ADAMTS19: variants seen among roughly 807,000 people sequenced by gnomAD.
The protein encoded by ADAMTS19 is ADAM metallopeptidase with thrombospondin type 1 motif 19.
Under a neutral mutation model 153.3 loss-of-function variants are expected in ADAMTS19, and 93 were observed. The ratio of observed to expected loss-of-function variants is 0.61; its 90% CI spans 0.51 to 0.72. ADAMTS19 has a LOEUF of 0.72. Ranked by LOEUF, ADAMTS19 falls within the 30% of genes least tolerant of loss-of-function variation. ADAMTS19 has a pLI of 0.00. For synonymous variants in ADAMTS19, 600 were observed against 556.6 expected (o/e 1.08, Z -1.10); for missense variants, 1,482 against 1,552.1 (o/e 0.95, Z 0.76).
chr5:129,632,568 T>G (rs1185766084), intron 10 of ADAMTS19, among the ~76,000 whole-genome samples: 1 of 152,060 alleles, frequency 6.6e-6, no homozygotes, highest in Non-Finnish European at 1.5e-5. Flanking sequence ...TCTCCATGTC[T>G]TTTAGTTGGG....
intron 7 of ADAMTS19, among the ~76,000 whole-genome samples, chr5:129,578,889 C>T (rs1398162926): frequency 6.6e-6 from 1 of 152,130 alleles, no homozygotes; most frequent in Admixed American, 6.5e-5. Context: ...GTGAACAGTG[C>T]TGCAATATAC....
intron 7 of ADAMTS19, among the ~76,000 whole-genome samples, chr5:129,578,981 G>T (rs1012844623): frequency 1.3e-5 from 2 of 152,016 alleles, no homozygotes; most frequent in African/African-American, 4.8e-5. Flanking sequence ...TGGGTCAATT[G>T]GTATTTCTGG....
chr5:129,728,539 A>C (rs954910227), intron 21 of ADAMTS19, among the ~76,000 whole-genome samples: 3 of 152,148 alleles, frequency 2.0e-5, no homozygotes, highest in Non-Finnish European at 4.4e-5. Flanking sequence ...TAAGAGGTCC[A>C]GAAGCCCCCT....
intron 16 of ADAMTS19, among the ~76,000 whole-genome samples, chr5:129,667,389 A>G (rs915076489): frequency 2.6e-5 from 4 of 152,172 alleles, no homozygotes; most frequent in Admixed American, 6.5e-5. Context: ...CTCAGAAATA[A>G]TAAGTCTGAT....
chr5:129,660,482 C>A (rs923357651), intron 15 of ADAMTS19, among the ~76,000 whole-genome samples: 2 of 151,362 alleles, frequency 1.3e-5, no homozygotes, highest in African/African-American at 4.9e-5. Flanking sequence ...ATTTAGTATG[C>A]CTGGAAACAG....
chr5:129,497,078 C>A (rs1381303208), intron 2 of ADAMTS19, among the ~76,000 whole-genome samples: 1 of 152,022 alleles, frequency 6.6e-6, no homozygotes, highest in Non-Finnish European at 1.5e-5. Context: ...TCTTGCATAG[C>A]ACTACTAAAA....
chr5:129,539,421 G>C (rs1581058752), intron 6 of ADAMTS19, among the ~76,000 whole-genome samples: 1 of 152,038 alleles, frequency 6.6e-6, no homozygotes, highest in Non-Finnish European at 1.5e-5. Context: ...TTATACCCTA[G>C]TGCCTCTAGA....
At chr5:129,585,037 T>G (rs1749711256) in intron 7 of ADAMTS19, among the ~76,000 whole-genome samples, 1 of 152,136 alleles carries the variant, frequency 6.6e-6, no homozygotes, top group African/African-American at 2.4e-5. Context: ...CAGGCACCTG[T>G]GGGCAACTCC....
In ADAMTS19 at chr5:129,461,256, T is replaced by A; in HGVS notation, c.246T>A (p.Ala82=). The change falls in exon 2 of 23, where the codon GCT becomes GCA. Residue 82 remains alanine, a synonymous_variant. Transcript: ENST00000274487. This position sits in a 1 kb window ranked among gnomAD's most constrained non-coding sequence, Gnocchi z 4.6. ...VGGGGSARAQ[A]AGSSREVRSV... is the part of the protein sequence containing the mutation. ...GCGGCGGAAGCGCCCGGGCGCAGGC[T>A]GCCGGCAGCTCACGCGAGGTGCGCT... The A allele has an allele frequency of 2.4e-6, 3 of 1,264,036 alleles. No individual in the cohort carries two copies. The highest frequency in any genetic ancestry group is 3.0e-6 in the Non-Finnish European group (3 of 1,010,278). 78.3% of individuals were successfully genotyped at this position (1,264,036 alleles called of 1,614,324 possible). A position where few individuals can be genotyped will look rare whatever the true frequency, so the allele number is the denominator to read the frequency against.
intron 2 of ADAMTS19, among the ~76,000 whole-genome samples, chr5:129,496,446 A>C (rs935763912): frequency 6.6e-6 from 1 of 152,130 alleles, no homozygotes; most frequent in Non-Finnish European, 1.5e-5. Flanking sequence ...TCATGAAAAT[A>C]AGTTGCAGCA....
At chr5:129,561,338 G>A (rs1212831807) in intron 7 of ADAMTS19, among the ~76,000 whole-genome samples, 1 of 152,050 alleles carries the variant, frequency 6.6e-6, no homozygotes, top group African/African-American at 2.4e-5. Context: ...CTAATTCCTG[G>A]CTAACAAGGT....
chr5:129,664,648 T>C lies in ADAMTS19; in HGVS notation c.2426-851T>C, dbSNP rs893792493. 2.0e-5 allele frequency among the ~76,000 whole-genome samples: 3 copies of C among 152,070 alleles called. No homozygotes were observed. In the East Asian group the frequency reaches 5.8e-4, roughly 29 times the overall value. On this transcript the variant is annotated intron_variant, in intron 15 of 22. Transcript: ENST00000274487. The stretch of plus-strand genomic sequence containing the variant: ...CAACTCTGGAATTAGCTCTTGTGCC[T>C]TTTCTAAAGCTTAGAAGGTAGACTT...
intron 2 of ADAMTS19, among the ~76,000 whole-genome samples, chr5:129,501,826 A>G (rs1751116801): frequency 6.6e-6 from 1 of 152,160 alleles, no homozygotes; most frequent in South Asian, 2.1e-4. Context: ...TTTTCTTATA[A>G]ATAGTTTTAA....
rs575458423 is a variant in ADAMTS19, at chr5:129,671,938, G to GA, written c.2506+6365dup. 2.2e-3 allele frequency among the ~76,000 whole-genome samples: 341 copies of GA among 152,108 alleles called. 1 individual carries two copies. The highest frequency in any genetic ancestry group is 7.2e-3 in the African/African-American group (297 of 41,492). The stretch of plus-strand genomic sequence containing the variant: ...AAATTAAAATGAGCAAAATTCAAAA[G>GA]AAAAAACACTTTTTATAATGTACCT... On this transcript the variant is annotated intron_variant, in intron 16 of 22. Coordinates refer to ENST00000274487, the MANE Select transcript of ADAMTS19 (RefSeq NM_133638.6).
chr5:129,721,987 T>A (rs1456600104), intron 21 of ADAMTS19, among the ~76,000 whole-genome samples: 2 of 152,248 alleles, frequency 1.3e-5, no homozygotes, highest in Non-Finnish European at 2.9e-5. Flanking sequence ...ATATTTTCTT[T>A]ATCCAATCTA....
At chr5:129,537,913 T>C (rs1306284298) in intron 6 of ADAMTS19, among the ~76,000 whole-genome samples, 1 of 151,420 alleles carries the variant, frequency 6.6e-6, no homozygotes, top group Non-Finnish European at 1.5e-5. Context: ...CCCTAAAACT[T>C]AAAGTATAAT....
intron 14 of ADAMTS19, among the ~76,000 whole-genome samples, chr5:129,658,315 A>G (rs1243719452): frequency 0.032 from 1,242 of 39,024 alleles, 65 homozygotes; most frequent in African/African-American, 0.082. Context: ...AAGAAAAAGA[A>G]AGAAAGAAAG....
intron 8 of ADAMTS19, 100 bp downstream of exon 8, chr5:129,596,764 C>A (rs1463600461): frequency 9.0e-6 from 8 of 888,782 alleles, no homozygotes; most frequent in Admixed American, 2.7e-5. Flanking sequence ...ATTTGGGCTT[C>A]AAGTTTTTGA....
intron 6 of ADAMTS19, among the ~76,000 whole-genome samples, chr5:129,534,541 G>A (rs1752343048): frequency 6.6e-6 from 1 of 152,056 alleles, no homozygotes; most frequent in African/African-American, 2.4e-5. Context: ...CCAATCAATA[G>A]AAAAAGGGGG....
Sources: gnomAD v4.1 joint callset for allele counts (sites outside exome capture counted in the v4.1 genomes callset) on GRCh38, gnomAD v4.1.1 for gene constraint, Gnocchi (gnomAD v3.1) non-coding constraint, MANE v1.5 for transcripts, NCBI Gene and HGNC (gene_info 2026-07-23, HGNC 2026-07-21) for gene names.